The following SOX6 variants were observed in gnomAD, a reference collection of about 807,000 sequenced individuals.
SOX6 encodes SRY-box transcription factor 6, also known as transcription factor SOX-6.
A neutral mutation model predicts 97.8 loss-of-function variants in SOX6; 11 were observed. The observed-to-expected ratio is 0.11, with a 90% CI of 0.07 to 0.19. SOX6 has a LOEUF of 0.19. Among genes scored for constraint, SOX6 ranks in the 10% least tolerant of loss-of-function variants. The probability of loss-of-function intolerance (pLI) is 1.00; values close to 1 mark genes in which losing one functional copy is unlikely to be tolerated. For missense variants in SOX6, 810 were observed against 1,039.5 expected, an observed-to-expected ratio of 0.78 and a Z score of 3.04; for synonymous variants, 360 against 371.4, an observed-to-expected ratio of 0.97 and a Z score of 0.35.
intron 1 of SOX6, among the ~76,000 whole-genome samples, chr11:16,463,732 T>C (rs1470743507): frequency 6.6e-6 from 1 of 152,210 alleles, no homozygotes; most frequent in African/African-American, 2.4e-5. Context: ...GTGCAGGCTG[T>C]TCCCTCTAGA....
intron 9 of SOX6, among the ~76,000 whole-genome samples, chr11:16,084,913 CTA>C (rs1347696780): frequency 1.3e-5 from 2 of 152,082 alleles, no homozygotes; most frequent in Non-Finnish European, 2.9e-5. Flanking sequence ...TGATAGATGA[CTA>C]TTTTGTTCTG....
rs561634252 is a variant in SOX6 at position 16,609,245 on chromosome 11, T to G, written n.609+2836A>C. On this transcript the variant is annotated intron_variant and non_coding_transcript_variant, in intron 4 of 5. Coordinates refer to the SOX6 transcript ENST00000524520. Reference sequence around the variant, plus strand: ...CAGTATGCACAAGGTGAGGTTGGCCTGCCTTAACCCAGGCCCAAAGAAATA... The same window carrying G: ...CAGTATGCACAAGGTGAGGTTGGCCGGCCTTAACCCAGGCCCAAAGAAATA... Among the ~76,000 whole-genome samples, 11 of 152,348 alleles carry G rather than the reference T, an allele frequency of 7.2e-5. No homozygotes were observed. The East Asian group carries it at 2.1e-3, about 29-fold the overall frequency.
At chr11:16,188,734 C>T (rs556352584) in intron 4 of SOX6, among the ~76,000 whole-genome samples, 3 of 152,112 alleles carry the variant, frequency 2.0e-5, no homozygotes, top group Non-Finnish European at 4.4e-5. Context: ...TAGAAGCAGA[C>T]ACAGTCCCTA....
At chr11:16,375,125 T>G (rs1426939844) in intron 1 of SOX6, among the ~76,000 whole-genome samples, 3 of 151,946 alleles carry the variant, frequency 2.0e-5, no homozygotes, top group Admixed American at 2.0e-4. Flanking sequence ...TTCCAACAAC[T>G]CATGTGAAAA....
chr11:16,617,887 A>G (rs1848490530), intron 3 of SOX6, among the ~76,000 whole-genome samples: 1 of 151,924 alleles, frequency 6.6e-6, no homozygotes, highest in African/African-American at 2.4e-5. Flanking sequence ...AAGAAAAATT[A>G]TTGGTTATTA....
chr11:16,002,288 T>C (rs1008546369), intron 13 of SOX6, among the ~76,000 whole-genome samples: 1 of 152,234 alleles, frequency 6.6e-6, no homozygotes, highest in African/African-American at 2.4e-5. Flanking sequence ...TGTGGTGAGC[T>C]GATGCATGTG....
intron 2 of SOX6, among the ~76,000 whole-genome samples, chr11:16,728,333 G>A (rs929986453): frequency 6.6e-6 from 1 of 152,184 alleles, no homozygotes; most frequent in Non-Finnish European, 1.5e-5. Flanking sequence ...GGAGAGCTCT[G>A]ACTGGCATCT....
chr11:16,529,091 CT>C (rs1429856208), intron 4 of SOX6, among the ~76,000 whole-genome samples: 2 of 152,072 alleles, frequency 1.3e-5, no homozygotes, highest in Non-Finnish European at 2.9e-5. Context: ...CTGCCAATTT[CT>C]ACCACAGTTT....
chr11:16,562,650 G>A (rs7937336), intron 4 of SOX6, among the ~76,000 whole-genome samples: 3,856 of 152,072 alleles, frequency 0.025, 148 homozygotes, highest in African/African-American at 0.088. Flanking sequence ...GTAGTCATCT[G>A]GGACTTTTAC....
intron 1 of SOX6, among the ~76,000 whole-genome samples, chr11:16,421,200 T>TA (rs1859016190): frequency 2.0e-5 from 3 of 152,134 alleles, no homozygotes; most frequent in South Asian, 2.1e-4. Context: ...CAAAATAAAA[T>TA]ACTTAGAAGA....
chr11:16,127,754 A>G (rs1849643221), intron 6 of SOX6, among the ~76,000 whole-genome samples: 1 of 152,158 alleles, frequency 6.6e-6, no homozygotes, highest in Admixed American at 6.6e-5. Flanking sequence ...GAAAGTGTGT[A>G]ATAAACAAGC....
At chr11:16,552,566 A>G (rs1847700835) in intron 4 of SOX6, among the ~76,000 whole-genome samples, 1 of 152,224 alleles carries the variant, frequency 6.6e-6, no homozygotes. Flanking sequence ...AGAGCCTTCC[A>G]CAAATGAAAG....
rs1005265026 is a variant in SOX6, at chr11:16,219,969, T to G, written c.535+14613A>C. Among the ~76,000 whole-genome samples the G allele has an allele frequency of 3.3e-5, 5 of 152,010 alleles. No homozygotes were observed. The South Asian group carries it at 1.0e-3, about 32-fold the overall frequency. The stretch of plus-strand genomic sequence containing the variant: ...AAAAACCAGCTATGTATAAATATTA[T>G]CACAAATGTCCATTTTAAAACTATA... On this transcript the variant is annotated intron_variant, in intron 4 of 15. Coordinates refer to ENST00000683767, the MANE Select transcript of SOX6 (RefSeq NM_001367873.1).
intron 2 of SOX6, among the ~76,000 whole-genome samples, chr11:16,336,739 A>C (rs1235106631): frequency 6.6e-6 from 1 of 152,142 alleles, no homozygotes; most frequent in African/African-American, 2.4e-5. Flanking sequence ...TAATATCTGT[A>C]ATCTGTCAGC....
At chr11:16,463,082 T>C (rs1406454922) in intron 1 of SOX6, among the ~76,000 whole-genome samples, 1 of 152,162 alleles carries the variant, frequency 6.6e-6, no homozygotes, top group Non-Finnish European at 1.5e-5. Context: ...CAGCTCAACC[T>C]GTGAAAATTT....
intron 9 of SOX6, among the ~76,000 whole-genome samples, chr11:16,072,505 G>A (rs1209861680): frequency 6.6e-6 from 1 of 152,136 alleles, no homozygotes; most frequent in Non-Finnish European, 1.5e-5. Flanking sequence ...TAGAAGGCAA[G>A]CAACTTGGAA....
chr11:15,974,645 G>T (rs1392963960), intron 15 of SOX6, among the ~76,000 whole-genome samples: 1 of 150,566 alleles, frequency 6.6e-6, no homozygotes, highest in African/African-American at 2.5e-5. Flanking sequence ...GCGGTGTTTG[G>T]TTTATTCTTT....
chr11:16,525,468 T>C (rs1330571907), intron 4 of SOX6, among the ~76,000 whole-genome samples: 1 of 152,070 alleles, frequency 6.6e-6, no homozygotes, highest in African/African-American at 2.4e-5. Context: ...TTACACCTTA[T>C]ACAAAAATCA....
chr11:16,719,280 C>T (rs988648374), intron 2 of SOX6, among the ~76,000 whole-genome samples: 61 of 152,182 alleles, frequency 4.0e-4, no homozygotes, highest in African/African-American at 1.3e-3. Flanking sequence ...GAATCATTTG[C>T]GTTGTTATGG....
Sources: gnomAD v4.1 joint callset for allele counts (sites outside exome capture counted in the v4.1 genomes callset) on GRCh38, gnomAD v4.1.1 for gene constraint, MANE v1.5 for transcripts, NCBI Gene and HGNC (gene_info 2026-07-23, HGNC 2026-07-21) for gene names.